NRXN3: variants seen among roughly 807,000 people sequenced by gnomAD.
NRXN3 encodes neurexin 3.
Under a neutral mutation model 137.6 loss-of-function variants are expected in NRXN3, and 32 were observed. That is an observed-to-expected ratio of 0.23 (90% confidence interval 0.18 to 0.31). NRXN3 has a LOEUF of 0.31. NRXN3 is among the 10% of genes least tolerant of loss of function. The pLI is 1.00. For synonymous variants in NRXN3, 798 were observed against 784.5 expected (o/e 1.02, Z -0.29); for missense variants, 1,574 against 2,062.5 (o/e 0.76, Z 4.59).
intron 10 of NRXN3, among the ~76,000 whole-genome samples, chr14:78,845,976 A>T (rs2099025844): frequency 6.6e-6 from 1 of 151,318 alleles, no homozygotes; most frequent in African/African-American, 2.4e-5. Flanking sequence ...TACTCAGCCA[A>T]CGCTTTAGAG....
At chr14:78,674,175 T>C (rs1043208924) in intron 6 of NRXN3, among the ~76,000 whole-genome samples, 2 of 152,176 alleles carry the variant, frequency 1.3e-5, no homozygotes, top group African/African-American at 2.4e-5. Context: ...AGGGCTTTTG[T>C]GTGTCTCTCA....
intron 10 of NRXN3, among the ~76,000 whole-genome samples, chr14:78,876,912 A>T (rs569555636): frequency 9.2e-5 from 14 of 152,278 alleles, no homozygotes; most frequent in Admixed American, 7.8e-4. Flanking sequence ...TATTGTAAAA[A>T]ACCATACTTC....
At chr14:79,593,524 G>A (rs758967995) in intron 16 of NRXN3, among the ~76,000 whole-genome samples, 15 of 151,566 alleles carry the variant, frequency 9.9e-5, no homozygotes, top group Middle Eastern at 3.4e-3. Flanking sequence ...CCAGGTACTC[G>A]GGAGGCTGAG....
At chr14:78,924,115 G>A (rs2099278427) in intron 10 of NRXN3, among the ~76,000 whole-genome samples, 1 of 152,168 alleles carries the variant, frequency 6.6e-6, no homozygotes, top group Non-Finnish European at 1.5e-5. Flanking sequence ...AGGGCGTGGT[G>A]GCACACGCCT....
intron 20 of NRXN3, among the ~76,000 whole-genome samples, chr14:79,833,689 A>G (rs1265356365): frequency 6.6e-6 from 1 of 152,142 alleles, no homozygotes; most frequent in South Asian, 2.1e-4. Context: ...TTCTAAAATG[A>G]TATTGCATGG....
intron 15 of NRXN3, among the ~76,000 whole-genome samples, chr14:79,008,615 T>G (rs759083839): frequency 1.3e-4 from 19 of 151,998 alleles, no homozygotes; most frequent in Non-Finnish European, 2.6e-4. Context: ...GACATTCAGA[T>G]GACCCCAATG....
At chr14:78,408,950 A>G (rs1413828944) in intron 4 of NRXN3, among the ~76,000 whole-genome samples, 2 of 152,250 alleles carry the variant, frequency 1.3e-5, no homozygotes, top group Non-Finnish European at 2.9e-5. Context: ...CAGAGTGAGG[A>G]TGGTCCAGGA....
chr14:78,230,302 C>T (rs1231316324), intron 1 of NRXN3, among the ~76,000 whole-genome samples: 1 of 150,258 alleles, frequency 6.7e-6, no homozygotes, highest in East Asian at 2.0e-4. Flanking sequence ...TTCTAGCCAC[C>T]TCTGTCTCTG....
intron 15 of NRXN3, among the ~76,000 whole-genome samples, chr14:79,018,856 C>A (rs1466525232): frequency 6.6e-6 from 1 of 152,140 alleles, no homozygotes; most frequent in African/African-American, 2.4e-5. Context: ...TAGGTACTTC[C>A]AAGTTACTGA....
At chr14:78,309,224 C>T (rs910223776) in intron 4 of NRXN3, among the ~76,000 whole-genome samples, 1 of 151,698 alleles carries the variant, frequency 6.6e-6, no homozygotes, top group Admixed American at 6.6e-5. Context: ...TCTTGTAGAA[C>T]CTCGTATTAT....
At chr14:79,295,889 T>C (rs933399528) in intron 15 of NRXN3, among the ~76,000 whole-genome samples, 1 of 152,162 alleles carries the variant, frequency 6.6e-6, no homozygotes, top group Non-Finnish European at 1.5e-5. Flanking sequence ...TTTACTTTTT[T>C]CGCTATAGAA....
chr14:79,454,392 T>C (rs534579581), intron 15 of NRXN3, among the ~76,000 whole-genome samples: 94 of 152,188 alleles, frequency 6.2e-4, no homozygotes, highest in Admixed American at 1.8e-3. Context: ...ACTTTTGTAT[T>C]TTTAGTAGAG....
intron 4 of NRXN3, chr14:78,602,490 G>A (rs887728640): frequency 3.3e-5 from 5 of 152,124 alleles, no homozygotes; most frequent in African/African-American, 1.2e-4. Context: ...AGTGAACTGA[G>A]TAATTGTTTT....
chr14:79,126,921 G>C (rs1186803003), intron 15 of NRXN3, among the ~76,000 whole-genome samples: 1 of 152,154 alleles, frequency 6.6e-6, no homozygotes, highest in Non-Finnish European at 1.5e-5. Context: ...TTCTCTGTTG[G>C]CCAGTGATGG....
intron 15 of NRXN3, among the ~76,000 whole-genome samples, chr14:79,068,902 G>A (rs375231712): frequency 5.9e-5 from 9 of 151,932 alleles, no homozygotes; most frequent in Admixed American, 5.9e-4. Context: ...GAAGAACAGG[G>A]GAGAAGACAA....
At chr14:79,421,570 G>A (rs2095576220) in intron 15 of NRXN3, among the ~76,000 whole-genome samples, 1 of 152,158 alleles carries the variant, frequency 6.6e-6, no homozygotes, top group Admixed American at 6.6e-5. Context: ...GTGAGCAGAA[G>A]CCTCTAGAAT....
At chr14:78,962,250 G>A (rs370498000) in intron 11 of NRXN3, among the ~76,000 whole-genome samples, 1 of 152,166 alleles carries the variant, frequency 6.6e-6, no homozygotes, top group African/African-American at 2.4e-5. Flanking sequence ...CAAGCTAAAT[G>A]TCCTAACCTC....
At chr14:79,348,378 C>CTCTCTT (rs535595782) in intron 15 of NRXN3, among the ~76,000 whole-genome samples, 28 of 135,962 alleles carry the variant, frequency 2.1e-4, no homozygotes, top group African/African-American at 8.1e-4. Context: ...AATCTTCTCT[C>CTCTCTT]TTTTTTTTTT....
intron 6 of NRXN3, among the ~76,000 whole-genome samples, chr14:78,694,107 C>T (rs942857329): frequency 6.6e-6 from 1 of 151,994 alleles, no homozygotes; most frequent in Non-Finnish European, 1.5e-5. Context: ...CCTCTGCCCA[C>T]AGCTTGAATT....
Sources: gnomAD v4.1 joint callset for allele counts (sites outside exome capture counted in the v4.1 genomes callset) on GRCh38, gnomAD v4.1.1 for gene constraint, MANE v1.5 for transcripts, NCBI Gene and HGNC (gene_info 2026-07-23, HGNC 2026-07-21) for gene names.